Variants in CDS2 observed in about 807,000 individuals in gnomAD.
The protein encoded by CDS2 is CDP-diacylglycerol synthase 2.
Under a neutral mutation model 59.0 loss-of-function variants are expected in CDS2, and 47 were observed. The observed-to-expected ratio is 0.80, with a 90% CI of 0.63 to 1.02. The LOEUF (loss-of-function observed/expected upper bound fraction) is 1.02, where lower values mean the gene tolerates loss of function less well. Among genes scored for constraint, CDS2 ranks in the 50% least tolerant of loss-of-function variants. The pLI is 0.00. For synonymous variants in CDS2, 207 were observed against 206.4 expected (o/e 1.00, Z -0.02); for missense variants, 356 against 558.9 (o/e 0.64, Z 3.66).
At chr20:5,133,461 T>C (rs1254545495) in intron 1 of CDS2, among the ~76,000 whole-genome samples, 2 of 152,014 alleles carry the variant, frequency 1.3e-5, no homozygotes, top group South Asian at 2.1e-4. Flanking sequence ...GCTCAGAGAG[T>C]TTAAGTTATT....
At chr20:5,155,881 A>C (rs1318794046) in intron 1 of CDS2, among the ~76,000 whole-genome samples, 1 of 152,074 alleles carries the variant, frequency 6.6e-6, no homozygotes, top group Non-Finnish European at 1.5e-5. Flanking sequence ...ACTGAGAGTA[A>C]AGGGGGAGAT....
At chr20:5,139,543 C>T (rs116697182) in intron 1 of CDS2, among the ~76,000 whole-genome samples, 3,798 of 152,178 alleles carry the variant, frequency 0.025, 67 homozygotes, top group East Asian at 0.08. Flanking sequence ...TTTGGATGCT[C>T]TTTATTTCTT....
intron 1 of CDS2, among the ~76,000 whole-genome samples, chr20:5,140,991 G>A (rs2090688821): frequency 6.6e-6 from 1 of 152,148 alleles, no homozygotes; most frequent in South Asian, 2.1e-4. Flanking sequence ...CCTTATTAAA[G>A]TCTCTTGTTA....
chr20:5,169,405 T>C (rs6107589), intron 1 of CDS2, among the ~76,000 whole-genome samples: 77,801 of 152,096 alleles, frequency 0.51, 20,989 homozygotes, highest in African/African-American at 0.68. Flanking sequence ...GTCAGGCACA[T>C]GAGCAGGAAA....
Position 5,140,102 on chromosome 20 carries a change from A to G in CDS2, c.57+12953A>G, listed in dbSNP as rs377143786. 8.5e-5 allele frequency among the ~76,000 whole-genome samples: 13 copies of G among 152,304 alleles called. No individual in the cohort carries two copies. In the East Asian group the frequency reaches 1.9e-3, roughly 23 times the overall value. On this transcript the variant is annotated intron_variant, in intron 1 of 12. Coordinates refer to ENST00000460006, the MANE Select transcript of CDS2 (RefSeq NM_003818.4). ...CAGGCGTGAACCGCTGCACCCGGCC[A>G]GCATCAATTGAAATGATCATATGGT...
At chr20:5,187,489 AT>A (rs1339228611) in intron 10 of CDS2, 1 of 152,164 alleles carries the variant, frequency 6.6e-6, no homozygotes, top group African/African-American at 2.4e-5. Context: ...AAGAAAGTAA[AT>A]TTTACTTGGA....
chr20:5,197,884 T>A lies in CDS2; in HGVS notation c.*7650T>A, dbSNP rs3746678. 70,018 of 152,044 alleles carry A rather than the reference T, an allele frequency of 0.46. 16,834 individuals are homozygous for A. Among genetic ancestry groups the A allele is most frequent in the African/African-American group, 0.56 (23,281 of 41,412 alleles). 9.4% of individuals were successfully genotyped at this position (152,044 alleles called of 1,614,324 possible). On this transcript the variant is annotated 3_prime_UTR_variant, in exon 13 of 13. Coordinates refer to ENST00000460006, the MANE Select transcript of CDS2 (RefSeq NM_003818.4). ...CTACACAAATAAACATATATTAAAT[T>A]CTAGATCATGTGTGGTTTTCGATGG... is the stretch of plus-strand genomic sequence containing the variant.
Position 5,192,418 on chromosome 20 carries a change from A to T in CDS2, c.*2184A>T, listed in dbSNP as rs796431346. The T allele has an allele frequency of 1.3e-5, 2 of 152,530 alleles. No homozygotes were observed. Among genetic ancestry groups the T allele is most frequent in the African/African-American group, 4.8e-5 (2 of 41,562 alleles). 9.4% of individuals were successfully genotyped at this position (152,530 alleles called of 1,614,324 possible). ...CTAGAGCTGCTAGCAGGCAGGCCAG[A>T]GGGTCAGCTTGTGTTTTATTTTCTG... On this transcript the variant is annotated 3_prime_UTR_variant, in exon 13 of 13. Coordinates refer to ENST00000460006, the MANE Select transcript of CDS2 (RefSeq NM_003818.4).
intron 2 of CDS2, 105 bp from the exon 3 acceptor site, chr20:5,175,078 C>T: frequency 1.2e-6 from 1 of 826,192 alleles, no homozygotes; most frequent in Admixed American, 1.8e-5. Context: ...AAGGACTGAG[C>T]TCAGGGCCCT....
chr20:5,145,217 G>T (rs1015629358), intron 1 of CDS2, among the ~76,000 whole-genome samples: 1 of 145,418 alleles, frequency 6.9e-6, no homozygotes, highest in Non-Finnish European at 1.5e-5. Context: ...ATTTTAGGGC[G>T]AATGGGTAGA....
chr20:5,159,734 T>C (rs1214339236), intron 1 of CDS2, among the ~76,000 whole-genome samples: 1 of 152,206 alleles, frequency 6.6e-6, no homozygotes, highest in Non-Finnish European at 1.5e-5. Context: ...TATACCAAAC[T>C]GGGTTCTTTT....
chr20:5,134,950 C>G (rs372174938), intron 1 of CDS2, among the ~76,000 whole-genome samples: 3 of 152,284 alleles, frequency 2.0e-5, no homozygotes, highest in East Asian at 3.9e-4. Flanking sequence ...ATAAAACCTG[C>G]ACTGTCCTAC....
chr20:5,129,832 G>T (rs920771474), intron 1 of CDS2, among the ~76,000 whole-genome samples: 34 of 151,834 alleles, frequency 2.2e-4, no homozygotes, highest in African/African-American at 7.3e-4. Flanking sequence ...GCCCGCCTCG[G>T]TCTCCCAAAG....
At chr20:5,149,511 A>G (rs11700061) in intron 1 of CDS2, among the ~76,000 whole-genome samples, 18,396 of 152,014 alleles carry the variant, frequency 0.12, 1,294 homozygotes, top group African/African-American at 0.18. Context: ...TGACATGCTT[A>G]GAAGGGCCTT....
chr20:5,174,176 C>A (rs1030815044), intron 2 of CDS2, among the ~76,000 whole-genome samples: 2 of 152,188 alleles, frequency 1.3e-5, no homozygotes, highest in Non-Finnish European at 2.9e-5. Context: ...GAACCTGGTT[C>A]TTTTAACACA....
intron 5 of CDS2, 57 bp from the exon 6 acceptor site, chr20:5,182,330 G>A: frequency 1.3e-6 from 2 of 1,490,548 alleles, no homozygotes; most frequent in Non-Finnish European, 1.8e-6. Flanking sequence ...CTAAAGGAGG[G>A]CAAAGATAAA....
chr20:5,171,940 T>C (rs958397751), intron 1 of CDS2, among the ~76,000 whole-genome samples: 6 of 152,244 alleles, frequency 3.9e-5, no homozygotes, highest in Admixed American at 3.3e-4. Flanking sequence ...GTCTCTTTTT[T>C]ATCAGCAGTC....
intron 1 of CDS2, among the ~76,000 whole-genome samples, chr20:5,137,959 C>T (rs2090661808): frequency 6.6e-6 from 1 of 151,524 alleles, no homozygotes; most frequent in Non-Finnish European, 1.5e-5. Flanking sequence ...CCACCATGCC[C>T]AGCTAATTTG....
chr20:5,154,767 C>T (rs1171418636), intron 1 of CDS2, among the ~76,000 whole-genome samples: 1 of 152,200 alleles, frequency 6.6e-6, no homozygotes, highest in Non-Finnish European at 1.5e-5. Context: ...CCCACCTCAA[C>T]CTCCCGAGTA....
Sources: allele counts gnomAD v4.1 joint callset (sites outside exome capture counted in the v4.1 genomes callset), GRCh38; gene constraint gnomAD v4.1.1; transcripts MANE v1.5; gene names NCBI Gene and HGNC (gene_info 2026-07-23, HGNC 2026-07-21).